TMEM108: variants seen among roughly 807,000 people sequenced by gnomAD.
The protein encoded by TMEM108 is transmembrane protein 108.
TMEM108 carries 12 observed loss-of-function variants against 35.1 expected under a neutral mutation model. The ratio of observed to expected loss-of-function variants is 0.34; its 90% CI spans 0.22 to 0.55. The LOEUF (loss-of-function observed/expected upper bound fraction) is 0.55, where lower values mean the gene tolerates loss of function less well. Ranked by LOEUF, TMEM108 falls within the 20% of genes least tolerant of loss-of-function variation. The pLI is 0.89. For synonymous variants in TMEM108, 287 were observed against 308.6 expected (o/e 0.93, Z 0.73); for missense variants, 680 against 753.3 (o/e 0.90, Z 1.14).
intron 1 of TMEM108, among the ~76,000 whole-genome samples, chr3:133,040,016 G>A (rs953126848): frequency 3.3e-5 from 5 of 152,078 alleles, no homozygotes; most frequent in Admixed American, 6.6e-5. Context: ...ATCAGCCACC[G>A]GAAATCAAAT....
chr3:133,260,450 G>A (rs1177122845), intron 3 of TMEM108, among the ~76,000 whole-genome samples: 7 of 152,160 alleles, frequency 4.6e-5, no homozygotes, highest in Non-Finnish European at 1.0e-4. Context: ...CTGCCAAGGT[G>A]AATAGAAAAG....
Position 133,163,437 on chromosome 3 carries a change from A to C in TMEM108, c.-46-65829A>C, listed in dbSNP as rs139933428. Among the ~76,000 whole-genome samples, 843 of 152,276 alleles carry C rather than the reference A, an allele frequency of 5.5e-3. 10 individuals are homozygous for C. The highest frequency in any genetic ancestry group is 0.019 in the African/African-American group (771 of 41,550). On this transcript the variant is annotated intron_variant, in intron 2 of 5. Transcript: ENST00000321871. ...CCACTGAAGGGTGCATTGTCCAAAT[A>C]GTCCTTATATACCATAGGGGTCAAG...
intron 5 of TMEM108, 97 bp from the exon 6 acceptor site, chr3:133,395,767 G>A: frequency 2.3e-6 from 3 of 1,295,262 alleles, no homozygotes; most frequent in Non-Finnish European, 3.0e-6. Context: ...CAAGCCATCA[G>A]TGCTGAAATA....
chr3:133,176,161 G>C (rs1368594707), intron 2 of TMEM108, among the ~76,000 whole-genome samples: 2 of 152,226 alleles, frequency 1.3e-5, no homozygotes, highest in Non-Finnish European at 2.9e-5. Flanking sequence ...GGAGCACCCA[G>C]ATTCATAAAG....
At chr3:133,312,257 T>A (rs2071139459) in intron 3 of TMEM108, among the ~76,000 whole-genome samples, 1 of 152,198 alleles carries the variant, frequency 6.6e-6, no homozygotes, top group Admixed American at 6.5e-5. Flanking sequence ...GAACCACTGC[T>A]CTCTTCAGAG....
At chr3:133,082,395 G>A (rs4854572) in intron 2 of TMEM108, among the ~76,000 whole-genome samples, 60,424 of 151,988 alleles carry the variant, frequency 0.4, 12,827 homozygotes, top group Admixed American at 0.49. Context: ...ACTCTCTGTC[G>A]TTGTATGCGT....
intron 2 of TMEM108, among the ~76,000 whole-genome samples, chr3:133,205,936 A>G (rs969719734): frequency 6.6e-6 from 1 of 152,210 alleles, no homozygotes; most frequent in African/African-American, 2.4e-5. Context: ...CAGGTACACC[A>G]ATCAAATATA....
intron 3 of TMEM108, among the ~76,000 whole-genome samples, chr3:133,370,685 T>G (rs186766414): frequency 6.6e-6 from 1 of 152,326 alleles, no homozygotes; most frequent in East Asian, 1.9e-4. Context: ...CTAATTTGAC[T>G]CTCATTTTTG....
chr3:133,161,487 GTAGA>G (rs1292706966), intron 2 of TMEM108, among the ~76,000 whole-genome samples: 2 of 152,154 alleles, frequency 1.3e-5, no homozygotes, highest in Non-Finnish European at 2.9e-5. Flanking sequence ...CTGGAACATA[GTAGA>G]TAGGTGTTCA....
intron 2 of TMEM108, among the ~76,000 whole-genome samples, chr3:133,208,219 C>G (rs1274817854): frequency 6.6e-6 from 1 of 152,184 alleles, no homozygotes; most frequent in African/African-American, 2.4e-5. Flanking sequence ...AGAACCTGAT[C>G]ATTTTCATTT....
intron 2 of TMEM108, among the ~76,000 whole-genome samples, chr3:133,069,150 C>T (rs778918361): frequency 6.6e-6 from 1 of 152,208 alleles, no homozygotes; most frequent in Non-Finnish European, 1.5e-5. Flanking sequence ...ACACACTTCA[C>T]ATTTTCATGA....
At chr3:133,235,041 A>C (rs904719403) in intron 3 of TMEM108, among the ~76,000 whole-genome samples, 15 of 152,176 alleles carry the variant, frequency 9.9e-5, no homozygotes, top group East Asian at 3.9e-4. Context: ...AATCCAACTT[A>C]CAAGGGATGT....
At chr3:133,274,534 A>G (rs995041599) in intron 3 of TMEM108, among the ~76,000 whole-genome samples, 1 of 152,146 alleles carries the variant, frequency 6.6e-6, no homozygotes, top group Non-Finnish European at 1.5e-5. Flanking sequence ...TGTCCCCCAA[A>G]GTAGCTGGTG....
chr3:133,065,153 A>G (rs948284005), intron 2 of TMEM108, among the ~76,000 whole-genome samples: 3 of 152,180 alleles, frequency 2.0e-5, no homozygotes, highest in Admixed American at 6.5e-5. Flanking sequence ...GAGCTATTCA[A>G]TGTGTATTTG....
At chr3:133,130,429 A>G (rs1349761673) in intron 2 of TMEM108, among the ~76,000 whole-genome samples, 1 of 152,176 alleles carries the variant, frequency 6.6e-6, no homozygotes, top group African/African-American at 2.4e-5. Context: ...GCCCACTTAC[A>G]TGTCTGGAGC....
chr3:133,249,560 A>G lies in TMEM108; in HGVS notation c.40+20209A>G, dbSNP rs751665362. 3.3e-5 allele frequency among the ~76,000 whole-genome samples: 5 copies of G among 152,172 alleles called. No homozygotes were observed. The South Asian group carries it at 1.0e-3, about 32-fold the overall frequency. On this transcript the variant is annotated intron_variant, in intron 3 of 5. Transcript: ENST00000321871. ...CCACTTATAAGTGAGAACATGTGCC[A>G]TTAGGTTTTCTGTTTCTGCATTAAT...
intron 2 of TMEM108, among the ~76,000 whole-genome samples, chr3:133,142,735 A>T (rs915926280): frequency 6.6e-6 from 1 of 152,194 alleles, no homozygotes; most frequent in African/African-American, 2.4e-5. Flanking sequence ...GTGCCCCCTC[A>T]TTAGGGATTC....
intron 3 of TMEM108, among the ~76,000 whole-genome samples, chr3:133,318,117 G>A (rs980819733): frequency 3.9e-5 from 6 of 152,204 alleles, no homozygotes; most frequent in Non-Finnish European, 8.8e-5. Context: ...ATTGCTGGTG[G>A]TGCTTTGCTG....
intron 2 of TMEM108, among the ~76,000 whole-genome samples, chr3:133,210,665 G>A (rs562700313): frequency 6.6e-6 from 1 of 152,288 alleles, no homozygotes; most frequent in African/African-American, 2.4e-5. Flanking sequence ...GCTTCCTGGA[G>A]CAAGACATAA....
Sources: allele counts gnomAD v4.1 joint callset (sites outside exome capture counted in the v4.1 genomes callset), GRCh38; gene constraint gnomAD v4.1.1; transcripts MANE v1.5; gene names NCBI Gene and HGNC (gene_info 2026-07-23, HGNC 2026-07-21).